The following APC variants were observed in gnomAD, a reference collection of about 807,000 sequenced individuals.
APC encodes APC regulator of Wnt signaling pathway.
Under a neutral mutation model 247.0 loss-of-function variants are expected in APC, and 72 were observed. The observed-to-expected ratio is 0.29, with a 90% CI of 0.24 to 0.35. The LOEUF is 0.35. APC is among the 10% of genes least tolerant of loss of function. APC has a pLI of 1.00. For missense variants in APC, 3,400 were observed against 3,360.7 expected, an observed-to-expected ratio of 1.01 and a Z score of -0.29; for synonymous variants, 1,254 against 1,162.5, an observed-to-expected ratio of 1.08 and a Z score of -1.60.
chr5:112,739,897 A>T (rs1427257874), intron 1 of APC, among the ~76,000 whole-genome samples: 1 of 152,184 alleles, frequency 6.6e-6, no homozygotes, highest in Non-Finnish European at 1.5e-5. Flanking sequence ...TTAACAGCTC[A>T]TTGTAGCATT....
Position 112,839,120 on chromosome 5 carries a change from C to T in APC, c.3526C>T (p.Pro1176Ser), listed in dbSNP as rs1554085083. 6.2e-7 allele frequency: 1 copy of T among 1,614,052 alleles called. No homozygotes were observed. Among genetic ancestry groups the T allele is most frequent in the Non-Finnish European group, 8.5e-7 (1 of 1,180,022 alleles). ...TGAAGAGAAACGTCATGTGGATCAG[C>T]CTATTGATTATAGTTTAAAATATGC... Reference protein sequence around the residue: ...YNEEKRHVDQPIDYSLKYATD... With the variant: ...YNEEKRHVDQSIDYSLKYATD... The change falls in exon 16 of 16, where the codon CCT becomes TCT. Residue 1176 changes from proline (P) to serine (S), a missense_variant. Coordinates refer to ENST00000257430, the MANE Select transcript of APC (RefSeq NM_000038.6). This position sits in a 1 kb window ranked among gnomAD's most constrained non-coding sequence, Gnocchi z 5.0.
At chr5:112,773,755 G>T (rs1018624787) in intron 4 of APC, among the ~76,000 whole-genome samples, 4 of 152,056 alleles carry the variant, frequency 2.6e-5, no homozygotes, top group Admixed American at 2.6e-4. Flanking sequence ...ATTATATGCA[G>T]CCCAACAACT....
intron 4 of APC, among the ~76,000 whole-genome samples, chr5:112,774,783 A>T (rs1171440985): frequency 1.3e-5 from 2 of 152,074 alleles, no homozygotes; most frequent in African/African-American, 4.8e-5. Context: ...GGCCCCCAGG[A>T]TCAATTTTTA....
At chr5:112,735,753 TG>T (rs1212684780), upstream of APC, among the ~76,000 whole-genome samples, 16 of 152,308 alleles carry the variant, frequency 1.1e-4, no homozygotes, top group East Asian at 3.1e-3. Flanking sequence ...AAAATATTAC[TG>T]AGTAATTGGC....
Position 112,845,851 on chromosome 5 carries a change from A to T in APC, c.*1725A>T, listed in dbSNP as rs372708871. 1.2e-4 allele frequency: 27 copies of T among 232,286 alleles called. 1 individual carries two copies. Among genetic ancestry groups the T allele is most frequent in the East Asian group, 8.5e-4 (14 of 16,390 alleles). The allele number at this position is 232,286 out of a possible 1,614,324, so 14.4% of individuals were successfully genotyped here. A position where few individuals can be genotyped will look rare whatever the true frequency, so the allele number is the denominator to read the frequency against. On this transcript the variant is annotated 3_prime_UTR_variant, in exon 16 of 16. Coordinates refer to ENST00000257430, the MANE Select transcript of APC (RefSeq NM_000038.6). The stretch of plus-strand genomic sequence containing the variant: ...TAAATGAAAATTTATTTTTAGTGAT[A>T]AGATTCATACACTCTGTATTTGGGG...
rs116205591 is a variant in APC, at chr5:112,787,298, C to T, written c.646-5148C>T. ...ATAAAAACAGATGGCTTAGTAGGCC[C>T]TAGTTTGCTGACTGTTGCCCTAGCA... On this transcript the variant is annotated intron_variant, in intron 6 of 15. Transcript: ENST00000257430. 5.8e-3 allele frequency among the ~76,000 whole-genome samples: 884 copies of T among 152,322 alleles called. 6 individuals are homozygous for T. The highest frequency in any genetic ancestry group is 0.01 in the Middle Eastern group (3 of 294).
chr5:112,770,123 T>C (rs938405743), intron 4 of APC, among the ~76,000 whole-genome samples: 1 of 152,184 alleles, frequency 6.6e-6, no homozygotes, highest in Non-Finnish European at 1.5e-5. Flanking sequence ...GAGAAAAATA[T>C]TAATTTTTGA....
At chr5:112,802,873 CAG>C (rs1392553790) in intron 8 of APC, among the ~76,000 whole-genome samples, 1 of 151,930 alleles carries the variant, frequency 6.6e-6, no homozygotes, top group Admixed American at 6.6e-5. Context: ...ATGCAAAAAA[CAG>C]TATTTATATA....
chr5:112,709,684 A>G (rs1750737589), intron 1 of APC, among the ~76,000 whole-genome samples: 1 of 152,128 alleles, frequency 6.6e-6, no homozygotes, highest in Non-Finnish European at 1.5e-5. Flanking sequence ...CATGGATCGC[A>G]TGAGTCCAGG....
Position 112,841,121 on chromosome 5 carries a change from C to A in APC, c.5527C>A (p.Pro1843Thr), listed in dbSNP as rs1461006300. ...CAGAGGAAGTTTTGCTTTTGATTCA[C>A]CTCATCATTACACGCCTATTGAAGG... The part of the protein sequence containing the change: ...RVRGSFAFDS[P>T]HHYTPIEGTP... The change falls in exon 16 of 16, where the codon CCT becomes ACT. Residue 1843 changes from proline to threonine, a missense_variant. This residue lies in a region of APC where 1,788 missense variants were observed against 1,649.5 expected (regional missense o/e 1.08). Coordinates refer to ENST00000257430, the MANE Select transcript of APC (RefSeq NM_000038.6). The surrounding 1 kb of genome is among the most constrained non-coding windows in gnomAD (Gnocchi z 4.6). The A allele has an allele frequency of 7.4e-6, 12 of 1,612,718 alleles. No individual in the cohort carries two copies. The highest frequency in any genetic ancestry group is 1.0e-5 in the Non-Finnish European group (12 of 1,178,782).
chr5:112,722,275 A>G (rs569940929), intron 1 of APC, among the ~76,000 whole-genome samples: 1 of 152,336 alleles, frequency 6.6e-6, no homozygotes, highest in Admixed American at 6.5e-5. Context: ...ATGGCATTTT[A>G]AACACTGTGT....
In APC at chr5:112,786,835, G is replaced by C. The variant is rs2707765; in HGVS notation, c.646-5611G>C. Among the ~76,000 whole-genome samples, 61,108 of 150,502 alleles carry C rather than the reference G, an allele frequency of 0.41. 14,687 individuals carry two copies. Among genetic ancestry groups the C allele is most frequent in the East Asian group, 0.68 (3,499 of 5,130 alleles). The stretch of plus-strand genomic sequence containing the variant: ...GCCACATAGTAAATATTTAGGTTTT[G>C]TGGACCATATGGTCTCTTTTGCAAC... On this transcript the variant is annotated intron_variant, in intron 6 of 15. Coordinates refer to ENST00000257430, the MANE Select transcript of APC (RefSeq NM_000038.6).
intron 1 of APC, among the ~76,000 whole-genome samples, chr5:112,720,018 T>A (rs1751395493): frequency 6.6e-6 from 1 of 152,242 alleles, no homozygotes; most frequent in African/African-American, 2.4e-5. Context: ...AGATTAAATC[T>A]GTTGAATATG....
chr5:112,818,354 A>T (rs925220697), intron 9 of APC, among the ~76,000 whole-genome samples: 1 of 152,188 alleles, frequency 6.6e-6, no homozygotes, highest in African/African-American at 2.4e-5. Context: ...GTTGCTTTTT[A>T]AAAAACTGAC....
intron 7 of APC, among the ~76,000 whole-genome samples, chr5:112,794,588 G>A (rs547997346): frequency 1.3e-5 from 2 of 152,258 alleles, no homozygotes; most frequent in African/African-American, 4.8e-5. Flanking sequence ...CACCAGGACT[G>A]CTGCCAAGCT....
chr5:112,806,077 C>T (rs747901273), intron 8 of APC, among the ~76,000 whole-genome samples: 1 of 152,156 alleles, frequency 6.6e-6, no homozygotes, highest in Non-Finnish European at 1.5e-5. Context: ...CACATCTATA[C>T]CTGTTCCATG....
intron 4 of APC, among the ~76,000 whole-genome samples, chr5:112,768,996 T>A (rs541199230): frequency 2.0e-5 from 3 of 152,008 alleles, no homozygotes; most frequent in South Asian, 4.2e-4. Flanking sequence ...TCCTAGCCTC[T>A]AGTATTTACT....
chr5:112,720,833 A>G (rs1173288591), intron 1 of APC, among the ~76,000 whole-genome samples: 1 of 152,148 alleles, frequency 6.6e-6, no homozygotes, highest in African/African-American at 2.4e-5. Context: ...CCTTTCCTCT[A>G]TAATAAGCTG....
intron 14 of APC, among the ~76,000 whole-genome samples, chr5:112,833,357 T>A (rs1764515700): frequency 6.6e-6 from 1 of 151,932 alleles, no homozygotes; most frequent in Non-Finnish European, 1.5e-5. Flanking sequence ...TAATTTTTTG[T>A]ATTTTAGTAG....
Sources: allele counts gnomAD v4.1 joint callset (sites outside exome capture counted in the v4.1 genomes callset), GRCh38; gene constraint gnomAD v4.1.1; regional missense constraint gnomAD v4.1.1; non-coding constraint Gnocchi (gnomAD v3.1); transcripts MANE v1.5; gene names NCBI Gene and HGNC (gene_info 2026-07-23, HGNC 2026-07-21).